The following VPS13D variants were observed in gnomAD, a reference collection of about 807,000 sequenced individuals.
VPS13D encodes vacuolar protein sorting 13 homolog D.
VPS13D carries 187 observed loss-of-function variants against 461.9 expected under a neutral mutation model. That is an observed-to-expected ratio of 0.40 (90% CI 0.36 to 0.46). The LOEUF (loss-of-function observed/expected upper bound fraction) is 0.46, where lower values mean the gene tolerates loss of function less well. VPS13D is among the 20% of genes least tolerant of loss of function. VPS13D has a pLI of 0.60. For missense variants in VPS13D, 4,711 were observed against 5,364.9 expected, an observed-to-expected ratio of 0.88 and a Z score of 3.81; for synonymous variants, 1,951 against 1,986.3, an observed-to-expected ratio of 0.98 and a Z score of 0.47.
At chr1:12,319,658 A>T (rs1274224516) in intron 32 of VPS13D, 28 bp downstream of exon 32, 1 of 1,614,046 alleles carries the variant, frequency 6.2e-7, no homozygotes, top group South Asian at 1.1e-5. Context: ...TGATCACAGC[A>T]CTGCGTGTTG....
Position 12,403,847 on chromosome 1 carries a change from C to A in VPS13D, c.11904C>A (p.Asn3968Lys), listed in dbSNP as rs2101687337. 1.3e-6 allele frequency: 2 copies of A among 1,599,918 alleles called. No homozygotes were observed. Among genetic ancestry groups the A allele is most frequent in the Non-Finnish European group, 1.7e-6 (2 of 1,176,096 alleles). ...CAGAGGTGGAAAAATATGATGAAAA[C>A]CTCCATGAAAAGACAGCTGAGCAAG... ...AESEVEKYDE[N>K]LHEKTAEQGG... Residue 3968 changes from asparagine to lysine, a missense_variant, in exon 63 of 70, where the codon AAC becomes AAA. This residue lies in a region of VPS13D where 4,411 missense variants were observed against 4,937.8 expected (regional missense o/e 0.89). Coordinates refer to ENST00000620676, the MANE Select transcript of VPS13D (RefSeq NM_015378.4).
Position 12,400,067 on chromosome 1 carries a change from C to T in VPS13D, c.11635-114C>T, listed in dbSNP as rs1644554257. On this transcript the variant is annotated intron_variant, in intron 60 of 69. Coordinates refer to ENST00000620676, the MANE Select transcript of VPS13D (RefSeq NM_015378.4). ...CTGCTATTGAGATCGAGTGAAATGA[C>T]AAGGGTACTTTCTGAGCAACCTGCG... 11 of 1,177,038 alleles carry T rather than the reference C, an allele frequency of 9.3e-6. No individual in the cohort carries two copies. In the South Asian group the frequency reaches 1.5e-4, roughly 16 times the overall value. 72.9% of individuals were successfully genotyped at this position (1,177,038 alleles called of 1,614,324 possible).
At chr1:12,422,021 G>A (rs1644871226) in intron 65 of VPS13D, among the ~76,000 whole-genome samples, 2 of 152,088 alleles carry the variant, frequency 1.3e-5, no homozygotes. Flanking sequence ...TAGAGATGGG[G>A]TTTCACCATG....
chr1:12,489,086 G>A (rs532701155), intron 67 of VPS13D, among the ~76,000 whole-genome samples: 12 of 152,206 alleles, frequency 7.9e-5, no homozygotes, highest in African/African-American at 2.9e-4. Context: ...ACTATAACAT[G>A]ATCTATTTTC....
chr1:12,401,946 A>G (rs866476060), intron 62 of VPS13D, among the ~76,000 whole-genome samples: 5 of 152,214 alleles, frequency 3.3e-5, no homozygotes, highest in Non-Finnish European at 1.5e-5. Context: ...TGGAGTATCC[A>G]GTGGTATACC....
At chr1:12,443,949 G>A (rs938516228) in intron 65 of VPS13D, among the ~76,000 whole-genome samples, 1 of 151,372 alleles carries the variant, frequency 6.6e-6, no homozygotes, top group African/African-American at 2.4e-5. Context: ...GGATTCAAAC[G>A]ATTTTCCCAC....
chr1:12,304,810 G>C (rs1642517770), intron 26 of VPS13D, 82 bp downstream of exon 26: 1 of 1,342,018 alleles, frequency 7.5e-7, no homozygotes, highest in Non-Finnish European at 1.0e-6. Context: ...GGTGGGCATT[G>C]TGTTCAAGCA....
intron 57 of VPS13D, among the ~76,000 whole-genome samples, chr1:12,380,183 T>C (rs1226279668): frequency 6.6e-6 from 1 of 152,214 alleles, no homozygotes; most frequent in Non-Finnish European, 1.5e-5. Context: ...CCTGGACTTT[T>C]TCTTTGATGT....
chr1:12,463,810 C>G (rs1266951412), intron 67 of VPS13D, among the ~76,000 whole-genome samples: 1 of 152,140 alleles, frequency 6.6e-6, no homozygotes, highest in Non-Finnish European at 1.5e-5. Flanking sequence ...AGCCACCTTA[C>G]TTATTAGCTT....
At chr1:12,333,433 A>G in intron 38 of VPS13D, 67 bp downstream of exon 38, 2 of 1,576,622 alleles carry the variant, frequency 1.3e-6, no homozygotes, top group Non-Finnish European at 1.7e-6. Context: ...CTGGAAGACT[A>G]TTAATCCTGG....
At position 12,505,094 on chromosome 1, in the gene VPS13D, G is replaced by A. The variant is rs769878082; in HGVS notation, c.12795-1759G>A. Among the ~76,000 whole-genome samples the A allele has an allele frequency of 2.2e-4, 34 of 152,196 alleles. No homozygotes were observed. The highest frequency in any genetic ancestry group is 4.3e-4 in the Non-Finnish European group (29 of 68,034). ...ACTTTGGAGTCTCCTTGGAGAGCCC[G>A]TGACGGCCTCAGTGGCTGTGCACCA... On this transcript the variant is annotated intron_variant, in intron 68 of 69. Coordinates refer to ENST00000620676, the MANE Select transcript of VPS13D (RefSeq NM_015378.4). The surrounding 1 kb of genome is among the most constrained non-coding windows in gnomAD (Gnocchi z 4.2).
rs574990839 is a variant in VPS13D at position 12,501,974 on chromosome 1, G to T, written c.12794+4343G>T. Reference sequence around the variant, plus strand: ...GCTCACGGCAGGTCTGGGGAATTTGGGGTCAGCTTTTTGTAGCAGCAGCAC... The same window carrying T: ...GCTCACGGCAGGTCTGGGGAATTTGTGGTCAGCTTTTTGTAGCAGCAGCAC... On this transcript the variant is annotated intron_variant, in intron 68 of 69. Transcript: ENST00000620676. 1.6e-4 allele frequency among the ~76,000 whole-genome samples: 24 copies of T among 152,284 alleles called. No homozygotes were observed. The South Asian group carries it at 3.1e-3, about 20-fold the overall frequency.
chr1:12,501,182 A>G (rs901164834), intron 68 of VPS13D, among the ~76,000 whole-genome samples: 1 of 152,212 alleles, frequency 6.6e-6, no homozygotes, highest in Non-Finnish European at 1.5e-5. Context: ...TGTCTCCTTG[A>G]GAAATTTCAC....
intron 27 of VPS13D, among the ~76,000 whole-genome samples, chr1:12,309,794 AG>A (rs1458699176): frequency 1.3e-5 from 2 of 151,258 alleles, no homozygotes; most frequent in Non-Finnish European, 2.9e-5. Context: ...AAAGAAAAAC[AG>A]GTTTATTATT....
chr1:12,261,428 G>C (rs1237618761), intron 12 of VPS13D, among the ~76,000 whole-genome samples: 1 of 152,244 alleles, frequency 6.6e-6, no homozygotes, highest in Non-Finnish European at 1.5e-5. Flanking sequence ...TTGAATACCA[G>C]TCTAGAGCCT....
chr1:12,377,063 CT>C (rs1257411547), intron 55 of VPS13D, among the ~76,000 whole-genome samples: 207 of 143,650 alleles, frequency 1.4e-3, no homozygotes, highest in Admixed American at 1.5e-3. Context: ...TTTTTTCTTT[CT>C]TTTTTTTTTT....
rs759381176 is a variant in VPS13D at position 12,363,111 on chromosome 1, G to C, written c.10312G>C (p.Gly3438Arg). 6.2e-7 allele frequency: 1 copy of C among 1,614,196 alleles called. No individual in the cohort carries two copies. Among genetic ancestry groups the C allele is most frequent in the Non-Finnish European group, 8.5e-7 (1 of 1,180,042 alleles). ...NPEGYISTLPGSSVVFHWPRN... is the reference protein window; with the variant it reads ...NPEGYISTLPRSSVVFHWPRN... ...CGAAGGTTACATTTCCACCCTTCCT[G>C]GTTCCAGTGTGGTGTTCCACTGGCC... The change falls in exon 52 of 70, where the codon GGT becomes CGT. Residue 3438 changes from glycine (G) to arginine (R), a missense_variant. Around this residue, in one of 3 missense-constraint regions of VPS13D, gnomAD observed 4,411 missense variants for 4,937.8 expected, o/e 0.89. Coordinates refer to ENST00000620676, the MANE Select transcript of VPS13D (RefSeq NM_015378.4).
At chr1:12,325,580 G>A (rs1219631161) in intron 35 of VPS13D, among the ~76,000 whole-genome samples, 1 of 152,110 alleles carries the variant, frequency 6.6e-6, no homozygotes, top group African/African-American at 2.4e-5. Flanking sequence ...TCTACCTACT[G>A]TGGACAGTAT....
At chr1:12,492,061 T>C (rs945869354) in intron 67 of VPS13D, among the ~76,000 whole-genome samples, 1 of 152,188 alleles carries the variant, frequency 6.6e-6, no homozygotes, top group Admixed American at 6.5e-5. Flanking sequence ...CACCTCTTGT[T>C]CGGTGATCCA....
Sources: allele counts gnomAD v4.1 joint callset (sites outside exome capture counted in the v4.1 genomes callset), GRCh38; gene constraint gnomAD v4.1.1; regional missense constraint gnomAD v4.1.1; non-coding constraint Gnocchi (gnomAD v3.1); transcripts MANE v1.5; gene names NCBI Gene and HGNC (gene_info 2026-07-23, HGNC 2026-07-21).